DNAJA3: variants seen among roughly 807,000 people sequenced by gnomAD.
The protein encoded by DNAJA3 is DnaJ heat shock protein family (Hsp40) member A3, also known as dnaJ homolog subfamily A member 3, mitochondrial.
In DNAJA3, 29 loss-of-function variants were observed where a neutral mutation model predicts 54.9. The ratio of observed to expected loss-of-function variants is 0.53; its 90% CI spans 0.39 to 0.72. The LOEUF (loss-of-function observed/expected upper bound fraction) is 0.72, where lower values mean the gene tolerates loss of function less well. Among genes scored for constraint, DNAJA3 ranks in the 30% least tolerant of loss-of-function variants. DNAJA3 has a pLI of 0.00. For synonymous variants in DNAJA3, 302 were observed against 251.4 expected (o/e 1.20, Z -1.90); for missense variants, 708 against 639.4 (o/e 1.11, Z -1.16).
At chr16:4,438,639 T>C (rs1429945381) in intron 3 of DNAJA3, among the ~76,000 whole-genome samples, 2 of 147,198 alleles carry the variant, frequency 1.4e-5, no homozygotes, top group East Asian at 2.0e-4. Flanking sequence ...TCTTTTCTTT[T>C]TTTTTTTTTT....
intron 1 of DNAJA3, chr16:4,431,221 G>A (rs1337466056): frequency 6.6e-6 from 1 of 152,256 alleles, no homozygotes; most frequent in Non-Finnish European, 1.5e-5. Flanking sequence ...ATTGGAATGA[G>A]TGGTGAGAGA....
chr16:4,436,005 A>G (rs2141375484), intron 2 of DNAJA3, among the ~76,000 whole-genome samples: 1 of 152,330 alleles, frequency 6.6e-6, no homozygotes. Context: ...CTGTCTTTTT[A>G]ATTACGACCC....
intron 3 of DNAJA3, among the ~76,000 whole-genome samples, chr16:4,439,633 C>G (rs1392947159): frequency 6.6e-6 from 1 of 152,192 alleles, no homozygotes; most frequent in African/African-American, 2.4e-5. Flanking sequence ...GAGTCCTAAT[C>G]CACCGTGTTG....
At chr16:4,441,305 G>A in intron 3 of DNAJA3, 70 bp from the exon 4 acceptor site, 2 of 1,415,538 alleles carry the variant, frequency 1.4e-6, no homozygotes, top group Non-Finnish European at 1.9e-6. Flanking sequence ...CTTATTTGCT[G>A]TGAACTCTTG....
rs1477345271 is a variant in DNAJA3, at chr16:4,437,481, A to T, written c.425A>T (p.Tyr142Phe). The change falls in exon 3 of 12, where the codon TAT (tyrosine) becomes TTT (phenylalanine). Residue 142 changes from tyrosine (Y) to phenylalanine (F), a missense_variant. Coordinates refer to ENST00000262375, the MANE Select transcript of DNAJA3 (RefSeq NM_005147.6). ...KEKFSQLAEAYEVLSDEVKRK... is the reference protein window; with the variant it reads ...KEKFSQLAEAFEVLSDEVKRK... ...AAGTTCTCCCAGCTGGCAGAAGCCT[A>T]TGAGGTAATATGACTTCGGTGCATG... 9 of 1,613,422 alleles carry T rather than the reference A, an allele frequency of 5.6e-6. No individual in the cohort carries two copies. Among genetic ancestry groups the T allele is most frequent in the Non-Finnish European group, 7.6e-6 (9 of 1,179,528 alleles).
In DNAJA3 at chr16:4,446,944, T is replaced by C. The variant is rs2056908955; in HGVS notation, c.1055T>C (p.Ile352Thr). The change falls in exon 8 of 12, where the codon ATT becomes ACT. Residue 352 changes from isoleucine to threonine, a missense_variant. By Grantham distance (89) the Ile-to-Thr change is moderately conservative. Coordinates refer to ENST00000262375, the MANE Select transcript of DNAJA3 (RefSeq NM_005147.6). ...DGADIHSDLF[I>T]SIAQALLGGT... ...GCAGACATCCACTCCGACCTCTTTA[T>C]TTCTATAGCTCAGGCTCTTCTTGGG... The C allele has an allele frequency of 3.1e-6, 5 of 1,614,192 alleles. No homozygotes were observed. The highest frequency in any genetic ancestry group is 4.2e-6 in the Non-Finnish European group (5 of 1,180,036).
chr16:4,434,428 A>C lies in DNAJA3; in HGVS notation c.256A>C (p.Ser86Arg). 6.2e-7 allele frequency: 1 copy of C among 1,613,932 alleles called. No homozygotes were observed. The highest frequency in any genetic ancestry group is 1.1e-5 in the South Asian group (1 of 91,028). ...CATTTGTACTGCCTCCTTCCACACG[A>C]GTGCCCCTTTGGCCAAAGAAGATTA... is the stretch of plus-strand genomic sequence containing the variant. Reference protein sequence around the residue: ...PFICTASFHTSAPLAKEDYYQ... With the variant: ...PFICTASFHTRAPLAKEDYYQ... The change falls in exon 2 of 12, where the codon AGT becomes CGT. Residue 86 changes from serine (S) to arginine (R), a missense_variant. By Grantham distance (110) the Ser-to-Arg change is moderately radical. Transcript: ENST00000262375.
intron 10 of DNAJA3, among the ~76,000 whole-genome samples, chr16:4,452,088 AAGC>A (rs1410286434): frequency 1.3e-5 from 2 of 151,756 alleles, no homozygotes; most frequent in Non-Finnish European, 2.9e-5. Flanking sequence ...AACAACAAAA[AAGC>A]AGCTGCCACA....
In DNAJA3 at chr16:4,443,434, C is replaced by G. The variant is rs567486334; in HGVS notation, c.931+270C>G. ...GAGACCTGACGTGCCTACTCTGCTT[C>G]TTCCTGGTGAGGGAGCAGCTTCCAA... On this transcript the variant is annotated intron_variant, in intron 6 of 11. Transcript: ENST00000262375. 4.6e-5 allele frequency among the ~76,000 whole-genome samples: 7 copies of G among 152,262 alleles called. No individual in the cohort carries two copies. In the South Asian group the frequency reaches 1.5e-3, roughly 32 times the overall value.
chr16:4,428,020 C>G (rs994476129), intron 1 of DNAJA3, among the ~76,000 whole-genome samples: 3 of 151,856 alleles, frequency 2.0e-5, no homozygotes, highest in East Asian at 1.9e-4. Flanking sequence ...GGCGCTATCT[C>G]AGCTCACTGC....
chr16:4,437,606 C>T (rs1205858379), intron 3 of DNAJA3, 121 bp downstream of exon 3: 10 of 711,254 alleles, frequency 1.4e-5, no homozygotes, highest in South Asian at 9.4e-5. Context: ...CATGTCCCTG[C>T]GCCAAGTAAT....
At chr16:4,442,946 A>G in intron 5 of DNAJA3, 71 bp from the exon 6 acceptor site, 1 of 1,535,308 alleles carries the variant, frequency 6.5e-7, no homozygotes. Context: ...TTTCTTACGC[A>G]CATTGTGGTC....
rs2056835625 is a variant in DNAJA3, at chr16:4,441,491, C to G, written c.546C>G (p.Pro182=). The stretch of plus-strand genomic sequence containing the variant: ...GGAAGGGAGGCCCCACTGTGGACCC[C>G]GAGGAGCTGTTCAGGAAGATCTTTG... The part of the protein sequence containing the change: ...SYWKGGPTVD[P]EELFRKIFGE... The change falls in exon 4 of 12, where the codon CCC becomes CCG. Residue 182 remains proline, a synonymous_variant. Transcript: ENST00000262375. 1 of 1,614,078 alleles carries G rather than the reference C, an allele frequency of 6.2e-7. No individual in the cohort carries two copies. The highest frequency in any genetic ancestry group is 1.3e-5 in the African/African-American group (1 of 74,928).
intron 5 of DNAJA3, 86 bp downstream of exon 5, chr16:4,442,506 A>T (rs904360139): frequency 8.5e-6 from 12 of 1,408,338 alleles, no homozygotes; most frequent in Non-Finnish European, 1.1e-5. Flanking sequence ...CAGAGAACGT[A>T]TGCTGGGAAT....
At chr16:4,439,344 A>T (rs2056812084) in intron 3 of DNAJA3, among the ~76,000 whole-genome samples, 2 of 151,250 alleles carry the variant, frequency 1.3e-5, no homozygotes, top group South Asian at 4.2e-4. Context: ...CAACAGAGCG[A>T]GACTCCCAAT....
chr16:4,446,869 G>T lies in DNAJA3; in HGVS notation c.997-17G>T. 6.2e-7 allele frequency: 1 copy of T among 1,613,456 alleles called. No homozygotes were observed. On this transcript the variant is annotated splice_polypyrimidine_tract_variant and intron_variant, in intron 7 of 11. Transcript: ENST00000262375. ...AGTGGACTTATCTTCACATGCATCT[G>T]TCATGTTTGGCCTTAGGTGCAGAAA...
In DNAJA3 at chr16:4,455,569, G is replaced by T. The variant is rs957583977; in HGVS notation, c.*37G>T. On this transcript the variant is annotated 3_prime_UTR_variant, in exon 12 of 12. Transcript: ENST00000262375. ...AGGAAAAAGATCCACTGGAAACTAG[G>T]CCGGGAAGCAGCAGCCCCTCCAAGG... 9 of 1,551,784 alleles carry T rather than the reference G, an allele frequency of 5.8e-6. No homozygotes were observed. The highest frequency in any genetic ancestry group is 3.3e-4 in the Middle Eastern group (2 of 5,988).
At position 4,447,017 on chromosome 16, in the gene DNAJA3, A is replaced by G. The variant is rs377444073; in HGVS notation, c.1125+3A>G. The G allele has an allele frequency of 7.4e-6, 12 of 1,613,054 alleles. No homozygotes were observed. The Admixed American group carries it at 2.0e-4, about 27-fold the overall frequency. Reference sequence around the variant, plus strand: ...TGTACGAGACGATCAACGTGACGGTAAGAGGGTGTGAGAACACCTTTGTCA... The same window carrying G: ...TGTACGAGACGATCAACGTGACGGTGAGAGGGTGTGAGAACACCTTTGTCA... On this transcript the variant is annotated splice_donor_region_variant and intron_variant, in intron 8 of 11. Coordinates refer to ENST00000262375, the MANE Select transcript of DNAJA3 (RefSeq NM_005147.6).
chr16:4,449,081 C>T (rs976738278), intron 9 of DNAJA3, among the ~76,000 whole-genome samples: 1 of 152,216 alleles, frequency 6.6e-6, no homozygotes, highest in South Asian at 2.1e-4. Flanking sequence ...ACTGCAACCT[C>T]CGCTTCCCAG....
Sources: gnomAD v4.1 joint callset for allele counts (sites outside exome capture counted in the v4.1 genomes callset) on GRCh38, gnomAD v4.1.1 for gene constraint, MANE v1.5 for transcripts, NCBI Gene and HGNC (gene_info 2026-07-23, HGNC 2026-07-21) for gene names.